The following LRRTM4 variants were observed in gnomAD, a reference collection of about 807,000 sequenced individuals.
LRRTM4 encodes the protein leucine-rich repeat transmembrane neuronal protein 4.
LRRTM4 carries 25 observed loss-of-function variants against 47.6 expected under a neutral mutation model. The observed-to-expected ratio is 0.53, with a 90% CI of 0.38 to 0.73. LRRTM4 has a LOEUF of 0.73. Ranked by LOEUF, LRRTM4 falls within the 30% of genes least tolerant of loss-of-function variation. LRRTM4 has a pLI of 0.00. For synonymous variants in LRRTM4, 311 were observed against 269.5 expected, an observed-to-expected ratio of 1.15 and a Z score of -1.51; for missense variants, 638 against 713.4, an observed-to-expected ratio of 0.89 and a Z score of 1.20.
intron 3 of LRRTM4, among the ~76,000 whole-genome samples, chr2:76,899,311 C>CCACACACA (rs34031809): frequency 0.015 from 2,098 of 136,378 alleles, 42 homozygotes; most frequent in East Asian, 0.051. Flanking sequence ...GACTAATAAA[C>CCACACACA]CACACACACA....
chr2:77,024,599 A>G (rs1678387945), intron 3 of LRRTM4, among the ~76,000 whole-genome samples: 1 of 152,016 alleles, frequency 6.6e-6, no homozygotes, highest in Admixed American at 6.6e-5. Flanking sequence ...GAAAACCACA[A>G]GTAAGCCTTA....
At chr2:76,904,009 T>G (rs1673734000) in intron 3 of LRRTM4, among the ~76,000 whole-genome samples, 1 of 152,214 alleles carries the variant, frequency 6.6e-6, no homozygotes, top group South Asian at 2.1e-4. Context: ...AGTGAAAATG[T>G]TGAAAGCCCA....
At chr2:77,136,589 G>A (rs369027377) in intron 3 of LRRTM4, among the ~76,000 whole-genome samples, 141 of 152,280 alleles carry the variant, frequency 9.3e-4, no homozygotes, top group Non-Finnish European at 1.3e-3. Flanking sequence ...CCAAAGGAAC[G>A]CAGCTCCTCG....
chr2:76,957,210 C>G (rs192011140), intron 3 of LRRTM4, among the ~76,000 whole-genome samples: 2 of 151,572 alleles, frequency 1.3e-5, no homozygotes, highest in Non-Finnish European at 3.0e-5. Flanking sequence ...TTAAAGTGGT[C>G]AAACTCTTAG....
intron 3 of LRRTM4, among the ~76,000 whole-genome samples, chr2:77,049,133 T>TATACATATATATATATATATAC (rs1239697867): frequency 8.1e-6 from 1 of 123,812 alleles, no homozygotes; most frequent in African/African-American, 3.9e-5. Flanking sequence ...TATATATATA[T>TATACATATATATATATATATAC]ATATATATAT....
intron 3 of LRRTM4, among the ~76,000 whole-genome samples, chr2:76,782,093 G>C (rs879545871): frequency 1.3e-5 from 2 of 150,716 alleles, no homozygotes; most frequent in East Asian, 1.9e-4. Flanking sequence ...AATTATATTA[G>C]AGTCCATATG....
chr2:77,504,497 C>G (rs1196111317), intron 3 of LRRTM4, among the ~76,000 whole-genome samples: 2 of 151,458 alleles, frequency 1.3e-5, no homozygotes, highest in African/African-American at 4.8e-5. Flanking sequence ...GTATTATACC[C>G]TGGGAAGTAG....
intron 3 of LRRTM4, among the ~76,000 whole-genome samples, chr2:76,807,956 T>C (rs1244769684): frequency 6.6e-6 from 1 of 151,320 alleles, no homozygotes; most frequent in East Asian, 2.0e-4. Flanking sequence ...TTTCTTTCTT[T>C]TTCTTTTTCT....
chr2:77,045,000 T>G (rs1399445910), intron 3 of LRRTM4, among the ~76,000 whole-genome samples: 1 of 151,828 alleles, frequency 6.6e-6, no homozygotes, highest in Non-Finnish European at 1.5e-5. Context: ...GTTATGATCA[T>G]GATTGGTTAC....
chr2:77,407,970 G>A (rs2103852448), intron 3 of LRRTM4, among the ~76,000 whole-genome samples: 1 of 151,706 alleles, frequency 6.6e-6, no homozygotes, highest in Non-Finnish European at 1.5e-5. Context: ...TTGTTTCTTT[G>A]ATTCAAACCA....
intron 3 of LRRTM4, among the ~76,000 whole-genome samples, chr2:77,232,407 A>T (rs1391602966): frequency 6.6e-6 from 1 of 152,222 alleles, no homozygotes; most frequent in Non-Finnish European, 1.5e-5. Flanking sequence ...GAAAAGTGTG[A>T]CGTCCACAGG....
chr2:76,766,767 G>T (rs1276854896), intron 3 of LRRTM4, among the ~76,000 whole-genome samples: 4 of 152,176 alleles, frequency 2.6e-5, no homozygotes, highest in Non-Finnish European at 5.9e-5. Context: ...AGTGTCTGGA[G>T]ACATTTTTGG....
intron 3 of LRRTM4, among the ~76,000 whole-genome samples, chr2:77,310,929 C>G (rs1156997958): frequency 7.3e-5 from 11 of 150,918 alleles, no homozygotes; most frequent in Non-Finnish European, 1.5e-5. Flanking sequence ...CACATACACA[C>G]ACATATATAT....
intron 3 of LRRTM4, among the ~76,000 whole-genome samples, chr2:77,082,212 T>G (rs1680556006): frequency 6.6e-6 from 1 of 152,146 alleles, no homozygotes; most frequent in Admixed American, 6.5e-5. Flanking sequence ...AGTATTGATG[T>G]GCCCTTTTGG....
intron 3 of LRRTM4, among the ~76,000 whole-genome samples, chr2:77,045,037 C>T (rs1054020082): frequency 2.0e-5 from 3 of 151,610 alleles, no homozygotes; most frequent in African/African-American, 7.3e-5. Flanking sequence ...GAGGTACCTG[C>T]CTTTTAAATA....
intron 3 of LRRTM4, among the ~76,000 whole-genome samples, chr2:77,404,523 T>C (rs936199744): frequency 6.6e-6 from 1 of 152,048 alleles, no homozygotes; most frequent in Admixed American, 6.6e-5. Flanking sequence ...ACATTTGCCT[T>C]TATGCAAACT....
chr2:77,437,445 C>T (rs1015354829), intron 3 of LRRTM4, among the ~76,000 whole-genome samples: 9 of 151,986 alleles, frequency 5.9e-5, no homozygotes, highest in African/African-American at 2.2e-4. Context: ...AGAACTATTA[C>T]ACCTATGTTT....
intron 3 of LRRTM4, among the ~76,000 whole-genome samples, chr2:77,123,245 A>AGAG (rs1671566666): frequency 1.1e-5 from 1 of 91,028 alleles, no homozygotes; most frequent in Non-Finnish European, 2.2e-5. Flanking sequence ...GAGAGAGAGA[A>AGAG]ATTTAATTCA....
At chr2:77,354,058 G>T (rs1380073136) in intron 3 of LRRTM4, among the ~76,000 whole-genome samples, 1 of 152,150 alleles carries the variant, frequency 6.6e-6, no homozygotes, top group Non-Finnish European at 1.5e-5. Flanking sequence ...TAAGGGGTAG[G>T]TTATTCTACA....
Sources: gnomAD v4.1 joint callset for allele counts (sites outside exome capture counted in the v4.1 genomes callset) on GRCh38, gnomAD v4.1.1 for gene constraint, MANE v1.5 for transcripts, NCBI Gene and HGNC (gene_info 2026-07-23, HGNC 2026-07-21) for gene names.